The following FRMD4A variants were observed in gnomAD, a reference collection of about 807,000 sequenced individuals.
FRMD4A encodes FERM domain-containing protein 4A.
FRMD4A carries 29 observed loss-of-function variants against 129.1 expected under a neutral mutation model. The observed-to-expected ratio is 0.22, with a 90% CI of 0.17 to 0.31. The LOEUF (loss-of-function observed/expected upper bound fraction) is 0.31. FRMD4A is among the 10% of genes least tolerant of loss of function. FRMD4A has a pLI of 1.00. For missense variants in FRMD4A, 1,272 were observed against 1,375.8 expected, an observed-to-expected ratio of 0.92 and a Z score of 1.19; for synonymous variants, 634 against 571.6, an observed-to-expected ratio of 1.11 and a Z score of -1.56.
chr10:13,762,470 C>T (rs1363267577), intron 7 of FRMD4A, among the ~76,000 whole-genome samples, 154 bp downstream of exon 7: 2 of 152,176 alleles, frequency 1.3e-5, no homozygotes, highest in African/African-American at 4.8e-5. Flanking sequence ...TGGTTTCCGT[C>T]AGTGTCTCTA....
At chr10:14,214,341 T>C (rs1294849912) in intron 2 of FRMD4A, among the ~76,000 whole-genome samples, 5 of 152,296 alleles carry the variant, frequency 3.3e-5, no homozygotes, top group Middle Eastern at 3.4e-3. Flanking sequence ...TCATGCTGCA[T>C]GAAGTCCCAG....
chr10:13,743,477 C>T (rs2135061290), intron 9 of FRMD4A, among the ~76,000 whole-genome samples: 1 of 152,160 alleles, frequency 6.6e-6, no homozygotes, highest in East Asian at 1.9e-4. Context: ...AGAGAGGGTC[C>T]CTGGGGTGAG....
chr10:13,900,672 G>T (rs1044077937), intron 2 of FRMD4A, among the ~76,000 whole-genome samples: 1 of 152,116 alleles, frequency 6.6e-6, no homozygotes, highest in African/African-American at 2.4e-5. Flanking sequence ...CGAGGTGGGT[G>T]GATCAATTGA....
At chr10:14,266,963 T>G (rs1268545726) in intron 2 of FRMD4A, among the ~76,000 whole-genome samples, 1 of 152,264 alleles carries the variant, frequency 6.6e-6, no homozygotes, top group Non-Finnish European at 1.5e-5. Flanking sequence ...CTCTTTCTTC[T>G]TTGGAATTTC....
chr10:14,005,288 C>G (rs909142049), intron 2 of FRMD4A, among the ~76,000 whole-genome samples: 3 of 152,152 alleles, frequency 2.0e-5, no homozygotes, highest in Non-Finnish European at 4.4e-5. Flanking sequence ...TCCCAAAGTG[C>G]TGGGATTACA....
intron 14 of FRMD4A, among the ~76,000 whole-genome samples, chr10:13,695,331 G>A (rs1244810775): frequency 6.6e-6 from 1 of 152,046 alleles, no homozygotes; most frequent in Admixed American, 6.6e-5. Context: ...AGTAGAGACG[G>A]GGTTTTGCCA....
At chr10:13,728,336 A>C (rs529563838) in intron 12 of FRMD4A, among the ~76,000 whole-genome samples, 4 of 152,078 alleles carry the variant, frequency 2.6e-5, no homozygotes, top group African/African-American at 9.6e-5. Flanking sequence ...TGGTGAGTTG[A>C]GTCTCTTGCT....
In FRMD4A at chr10:13,656,851, C is replaced by T; in HGVS notation, c.2738G>A (p.Gly913Asp). The T allele has an allele frequency of 6.7e-7, 1 of 1,497,944 alleles. No individual in the cohort carries two copies. The highest frequency in any genetic ancestry group is 1.3e-5 in the South Asian group (1 of 77,542). 92.8% of individuals were successfully genotyped at this position (1,497,944 alleles called of 1,614,324 possible). The change falls in exon 22 of 25, where the codon GGC becomes GAC. Residue 913 changes from glycine to aspartate, a missense_variant. Around this residue, in one of 2 missense-constraint regions of FRMD4A, gnomAD observed 972 missense variants for 892.3 expected, o/e 1.09. Coordinates refer to ENST00000357447, the MANE Select transcript of FRMD4A (RefSeq NM_018027.5). Reference sequence around the variant, plus strand: ...ACGGCCCGCGCCCTTGTCGTGGGCGCCCTCGCGGCCCAGCGACGGAGTCCG... The same window carrying T: ...ACGGCCCGCGCCCTTGTCGTGGGCGTCCTCGCGGCCCAGCGACGGAGTCCG... ...ILRTPSLGREGAHDKGAGRAA... is the reference protein window; with the variant it reads ...ILRTPSLGREDAHDKGAGRAA...
intron 2 of FRMD4A, among the ~76,000 whole-genome samples, chr10:14,322,822 T>A (rs960576316): frequency 1.3e-5 from 2 of 152,212 alleles, no homozygotes; most frequent in Non-Finnish European, 2.9e-5. Flanking sequence ...TAGAAGCCAA[T>A]GAGAAACTGC....
intron 12 of FRMD4A, among the ~76,000 whole-genome samples, chr10:13,730,963 G>A (rs558992454): frequency 7.9e-5 from 12 of 151,858 alleles, no homozygotes; most frequent in African/African-American, 2.9e-4. Flanking sequence ...AGGAGGCAGA[G>A]GTTGCAGTGA....
At chr10:13,666,368 A>G (rs1278857695) in intron 17 of FRMD4A, 43 bp from the exon 18 acceptor site, 1 of 1,374,386 alleles carries the variant, frequency 7.3e-7, no homozygotes, top group Non-Finnish European at 1.0e-6. Flanking sequence ...GGGGATGCTG[A>G]GCAGGGAGAC....
chr10:13,995,249 A>G (rs989868126), intron 2 of FRMD4A, among the ~76,000 whole-genome samples: 2 of 152,242 alleles, frequency 1.3e-5, no homozygotes, highest in African/African-American at 4.8e-5. Context: ...AGGAGAACAC[A>G]GAACACCCAA....
At chr10:14,246,786 C>T (rs1004374778) in intron 2 of FRMD4A, among the ~76,000 whole-genome samples, 2 of 151,822 alleles carry the variant, frequency 1.3e-5, no homozygotes, top group African/African-American at 4.8e-5. Context: ...GGTGGAAATA[C>T]AAAAGAGAGA....
At chr10:14,105,681 G>C (rs1049472512) in intron 2 of FRMD4A, among the ~76,000 whole-genome samples, 10 of 152,174 alleles carry the variant, frequency 6.6e-5, no homozygotes, top group Admixed American at 2.6e-4. Flanking sequence ...GTTTGAAGCA[G>C]GTTCCAGATA....
At chr10:13,918,242 T>C (rs1430421926) in intron 2 of FRMD4A, among the ~76,000 whole-genome samples, 3 of 152,308 alleles carry the variant, frequency 2.0e-5, no homozygotes, top group Non-Finnish European at 4.4e-5. Flanking sequence ...TCCAGAGCCT[T>C]GAACAGTGCC....
intron 2 of FRMD4A, among the ~76,000 whole-genome samples, chr10:14,036,905 C>T (rs943667944): frequency 6.6e-6 from 1 of 152,164 alleles, no homozygotes; most frequent in African/African-American, 2.4e-5. Flanking sequence ...CCAATTCTTA[C>T]CCTCAAAACT....
intron 12 of FRMD4A, among the ~76,000 whole-genome samples, chr10:13,710,184 G>A (rs1394760256): frequency 6.6e-6 from 1 of 152,126 alleles, no homozygotes; most frequent in African/African-American, 2.4e-5. Flanking sequence ...TCCAAGAGAA[G>A]GAAAGAAAGC....
At chr10:14,014,447 G>C (rs71479859) in intron 2 of FRMD4A, among the ~76,000 whole-genome samples, 1 of 152,156 alleles carries the variant, frequency 6.6e-6, no homozygotes, top group Non-Finnish European at 1.5e-5. Flanking sequence ...TAGAGCAGGA[G>C]GGGGGAGTTT....
At chr10:14,273,091 T>C (rs975225768) in intron 2 of FRMD4A, among the ~76,000 whole-genome samples, 8 of 129,150 alleles carry the variant, frequency 6.2e-5, no homozygotes, top group East Asian at 2.2e-4. Context: ...CACACACACA[T>C]GCACACACAC....
Sources: gnomAD v4.1 joint callset for allele counts (sites outside exome capture counted in the v4.1 genomes callset) on GRCh38, gnomAD v4.1.1 for gene constraint, gnomAD v4.1.1 regional missense constraint, MANE v1.5 for transcripts, NCBI Gene and HGNC (gene_info 2026-07-23, HGNC 2026-07-21) for gene names.